Variants in CELF2 observed in about 807,000 individuals in gnomAD.
CELF2 encodes the protein CUGBP Elav-like family member 2.
Under a neutral mutation model 62.6 loss-of-function variants are expected in CELF2, and 8 were observed. The ratio of observed to expected loss-of-function variants is 0.13; its 90% CI spans 0.07 to 0.23. The LOEUF is 0.23. CELF2 is among the 10% of genes least tolerant of loss of function. The pLI, the probability that CELF2 is intolerant of heterozygous loss-of-function variation, is 1.00. For synonymous variants in CELF2, 258 were observed against 250.0 expected, an observed-to-expected ratio of 1.03 and a Z score of -0.30; for missense variants, 333 against 671.0, an observed-to-expected ratio of 0.50 and a Z score of 5.56.
rs2071711949 is a variant in CELF2, at chr10:11,177,631, C to T, written c.271+11949C>T. Among the ~76,000 whole-genome samples the T allele has an allele frequency of 6.6e-6, 1 of 152,140 alleles. No individual in the cohort carries two copies. Among genetic ancestry groups the T allele is most frequent in the Admixed American group, 6.6e-5 (1 of 15,262 alleles). On this transcript the variant is annotated intron_variant, in intron 2 of 12. Transcript: ENST00000633077. The surrounding 1 kb of genome is among the most constrained non-coding windows in gnomAD (Gnocchi z 4.8). ...TTCCAGACAGCATGAAGTACCTCAA[C>T]AGCAAAGAAGGAAATAGGGGCCTTA...
chr10:11,222,550 C>G (rs966616965), intron 3 of CELF2, among the ~76,000 whole-genome samples: 4 of 152,192 alleles, frequency 2.6e-5, no homozygotes, highest in Non-Finnish European at 5.9e-5. Flanking sequence ...AGCGCTGATG[C>G]ATTTCTTTAT....
At chr10:10,694,976 T>C in the CELF2 span, among the ~76,000 whole-genome samples, 1 of 151,262 alleles carries the variant, frequency 6.6e-6, no homozygotes, top group Non-Finnish European at 1.5e-5. Context: ...AATTTGCCAG[T>C]CTGTGTCTTT....
intron 2 of CELF2, among the ~76,000 whole-genome samples, chr10:11,175,625 G>A (rs1168386660): frequency 6.6e-6 from 1 of 152,188 alleles, no homozygotes; most frequent in Admixed American, 6.5e-5. Flanking sequence ...GTCCCCAGGA[G>A]GGGGCCTCCG....
intron 1 of CELF2, chr10:11,097,498 G>A (rs138475484): frequency 2.0e-5 from 3 of 152,268 alleles, no homozygotes; most frequent in Non-Finnish European, 4.4e-5. Flanking sequence ...AGGACCTTTC[G>A]ATGCTATCTC....
chr10:11,234,665 G>T (rs373521259), intron 3 of CELF2, among the ~76,000 whole-genome samples: 1 of 124,746 alleles, frequency 8.0e-6, no homozygotes, highest in African/African-American at 3.1e-5. Flanking sequence ...CTGGGTGACA[G>T]TGAGACTCCA....
At chr10:11,254,135 TACAA>T (rs1315090301) in intron 4 of CELF2, among the ~76,000 whole-genome samples, 3 of 152,278 alleles carry the variant, frequency 2.0e-5, no homozygotes, top group African/African-American at 7.2e-5. Context: ...GTAGAATGTT[TACAA>T]AGCTGTTAGG....
At chr10:10,696,292 G>A in the CELF2 span, among the ~76,000 whole-genome samples, 1 of 151,882 alleles carries the variant, frequency 6.6e-6, no homozygotes, top group Non-Finnish European at 1.5e-5. Flanking sequence ...CCTGCTGGGG[G>A]GTGCCTCCCA....
chr10:10,901,226 A>AAACAAACGTTT (rs2062916997), intron 1 of CELF2, among the ~76,000 whole-genome samples: 1 of 152,238 alleles, frequency 6.6e-6, no homozygotes, highest in Non-Finnish European at 1.5e-5. Flanking sequence ...ACGTTGACAG[A>AAACAAACGTTT]GAAAAACAAA....
the CELF2 span, among the ~76,000 whole-genome samples, chr10:10,764,412 G>C: frequency 6.6e-6 from 1 of 152,110 alleles, no homozygotes; most frequent in Non-Finnish European, 1.5e-5. Flanking sequence ...GTGCATAAGA[G>C]GTATAAACAA....
chr10:10,480,542 G>T, the CELF2 span, among the ~76,000 whole-genome samples: 1 of 152,132 alleles, frequency 6.6e-6, no homozygotes. Context: ...ATCACAGGGG[G>T]TACACATGAG....
chr10:10,962,702 G>A (rs2049660850), intron 2 of CELF2, among the ~76,000 whole-genome samples: 1 of 152,172 alleles, frequency 6.6e-6, no homozygotes, highest in Admixed American at 6.5e-5. Flanking sequence ...TCCAGCTTGG[G>A]TGTTAGAGCA....
the CELF2 span, among the ~76,000 whole-genome samples, chr10:10,718,985 C>CTTT: frequency 1.9e-4 from 24 of 125,122 alleles, no homozygotes; most frequent in South Asian, 2.7e-4. Flanking sequence ...TTATTATTCT[C>CTTT]TTTTTTTTTT....
chr10:10,599,595 A>T, the CELF2 span, among the ~76,000 whole-genome samples: 1 of 152,172 alleles, frequency 6.6e-6, no homozygotes, highest in South Asian at 2.1e-4. Context: ...TACAAAGGAG[A>T]TAATGGAAAA....
intron 2 of CELF2, among the ~76,000 whole-genome samples, chr10:11,196,910 G>T (rs1438375655): frequency 2.7e-5 from 4 of 149,414 alleles, no homozygotes; most frequent in Non-Finnish European, 5.9e-5. Context: ...AGTGAGCCGA[G>T]ATCGCACCAC....
intron 1 of CELF2, among the ~76,000 whole-genome samples, chr10:11,155,667 A>G (rs2064212142): frequency 6.6e-6 from 1 of 152,238 alleles, no homozygotes; most frequent in African/African-American, 2.4e-5. Flanking sequence ...ATAAATACAT[A>G]TCCCTCTTCA....
At chr10:10,720,112 C>T in the CELF2 span, among the ~76,000 whole-genome samples, 5 of 152,188 alleles carry the variant, frequency 3.3e-5, no homozygotes, top group African/African-American at 1.2e-4. Context: ...ATGGTGGGAA[C>T]TGAGTTGTCG....
the CELF2 span, among the ~76,000 whole-genome samples, chr10:10,586,964 A>G: frequency 6.6e-6 from 1 of 152,172 alleles, no homozygotes; most frequent in Non-Finnish European, 1.5e-5. Context: ...GATGCAGGGT[A>G]CAGGGAGAAG....
intron 9 of CELF2, among the ~76,000 whole-genome samples, chr10:11,312,169 C>G (rs942277499): frequency 2.0e-5 from 3 of 152,058 alleles, no homozygotes; most frequent in African/African-American, 4.8e-5. Context: ...TCTCGAATAC[C>G]CAGGAAAGAA....
intron 1 of CELF2, among the ~76,000 whole-genome samples, chr10:11,019,904 A>G (rs1224381161): frequency 1.3e-5 from 2 of 152,172 alleles, no homozygotes; most frequent in African/African-American, 4.8e-5. Context: ...TCCAGGCTAA[A>G]CTGAAGAATT....
Sources: allele counts gnomAD v4.1 joint callset (sites outside exome capture counted in the v4.1 genomes callset), GRCh38; gene constraint gnomAD v4.1.1; non-coding constraint Gnocchi (gnomAD v3.1); transcripts MANE v1.5; gene names NCBI Gene and HGNC (gene_info 2026-07-23, HGNC 2026-07-21).